DAB1: variants seen among roughly 807,000 people sequenced by gnomAD.
The protein encoded by DAB1 is disabled homolog 1.
A neutral mutation model predicts 64.6 loss-of-function variants in DAB1; 15 were observed. The observed-to-expected ratio is 0.23, with a 90% CI of 0.16 to 0.36. DAB1 has a LOEUF of 0.36. Ranked by LOEUF, DAB1 falls within the 10% of genes least tolerant of loss-of-function variation. The pLI is 1.00. For synonymous variants in DAB1, 235 were observed against 251.9 expected (o/e 0.93, Z 0.64); for missense variants, 596 against 706.7 (o/e 0.84, Z 1.78).
chr1:57,965,427 C>T (rs903493116), intron 5 of DAB1, among the ~76,000 whole-genome samples: 1 of 152,134 alleles, frequency 6.6e-6, no homozygotes, highest in Non-Finnish European at 1.5e-5. Flanking sequence ...ATTCTCTAAC[C>T]TCTGGCCTCT....
intron 6 of DAB1, among the ~76,000 whole-genome samples, chr1:57,814,563 A>T (rs930565169): frequency 2.0e-5 from 3 of 152,182 alleles, no homozygotes; most frequent in Non-Finnish European, 4.4e-5. Flanking sequence ...TGAGCTATCG[A>T]GTTTGTATTT....
intron 7 of DAB1, among the ~76,000 whole-genome samples, chr1:57,551,879 C>T (rs1311629172): frequency 6.6e-6 from 1 of 152,154 alleles, no homozygotes; most frequent in South Asian, 2.1e-4. Flanking sequence ...TAATTATTAA[C>T]CAGGGAGCCA....
In DAB1 at chr1:57,369,863, T is replaced by A. The variant is rs138268124; in HGVS notation, c.-137+54067A>T. On this transcript the variant is annotated intron_variant, in intron 1 of 14. Transcript: ENST00000371236. ...GTTATAACGATCATCCTGATCTTAATCCATGAGGATAAGAGTATTGAGTGA... is the reference window on the plus strand; with the variant it reads ...GTTATAACGATCATCCTGATCTTAAACCATGAGGATAAGAGTATTGAGTGA... Among the ~76,000 whole-genome samples, 248 of 152,324 alleles carry A rather than the reference T, an allele frequency of 1.6e-3. 1 individual carries two copies. The highest frequency in any genetic ancestry group is 5.5e-3 in the African/African-American group (227 of 41,572).
intron 5 of DAB1, among the ~76,000 whole-genome samples, chr1:57,902,807 G>A (rs527407417): frequency 1.2e-4 from 19 of 152,162 alleles, no homozygotes; most frequent in Admixed American, 2.0e-4. Flanking sequence ...ATTTGAGACT[G>A]TATTTAAGAC....
Position 57,090,993 on chromosome 1 carries a change from G to A in DAB1, c.307-18579C>T, listed in dbSNP as rs150881574. Among the ~76,000 whole-genome samples, 286 of 152,238 alleles carry A rather than the reference G, an allele frequency of 1.9e-3. 2 individuals carry two copies. Among genetic ancestry groups the A allele is most frequent in the African/African-American group, 6.6e-3 (276 of 41,530 alleles). Reference sequence around the variant, plus strand: ...ATGCTTGATGATCTAAGGTGGAACAGTTTTATCCTGAAACTATCCCTCACC... The same window carrying A: ...ATGCTTGATGATCTAAGGTGGAACAATTTTATCCTGAAACTATCCCTCACC... On this transcript the variant is annotated intron_variant, in intron 4 of 14. Transcript: ENST00000371236.
At chr1:57,987,664 G>A (rs1570174482) in intron 5 of DAB1, among the ~76,000 whole-genome samples, 2 of 152,256 alleles carry the variant, frequency 1.3e-5, no homozygotes, top group South Asian at 4.1e-4. Context: ...CTGAAATGGA[G>A]ATGACTTCTT....
chr1:58,402,392 A>G (rs1238448298), intron 3 of DAB1, among the ~76,000 whole-genome samples: 1 of 152,228 alleles, frequency 6.6e-6, no homozygotes, highest in Non-Finnish European at 1.5e-5. Context: ...TAAGTAATGA[A>G]GATGGAAGGA....
chr1:58,400,143 T>C (rs1644557112), intron 3 of DAB1, among the ~76,000 whole-genome samples: 1 of 151,904 alleles, frequency 6.6e-6, no homozygotes, highest in South Asian at 2.1e-4. Context: ...GGGCTTTCTC[T>C]GGTCCCTAGT....
At chr1:57,685,564 T>C (rs1285920297) in intron 6 of DAB1, among the ~76,000 whole-genome samples, 1 of 152,160 alleles carries the variant, frequency 6.6e-6, no homozygotes, top group African/African-American at 2.4e-5. Flanking sequence ...TTGGACCTAA[T>C]AGACATCTAT....
chr1:57,371,472 G>T (rs551203134), intron 1 of DAB1, among the ~76,000 whole-genome samples: 1 of 152,246 alleles, frequency 6.6e-6, no homozygotes, highest in Admixed American at 6.5e-5. Flanking sequence ...AGTTTTTAAT[G>T]GAACTATGTG....
intron 7 of DAB1, among the ~76,000 whole-genome samples, chr1:57,629,050 C>G (rs1030048010): frequency 6.6e-6 from 1 of 152,108 alleles, no homozygotes; most frequent in African/African-American, 2.4e-5. Flanking sequence ...TCTTACAGTT[C>G]TTACAAATTT....
At chr1:57,146,918 A>G (rs1659192731) in intron 2 of DAB1, among the ~76,000 whole-genome samples, 3 of 152,230 alleles carry the variant, frequency 2.0e-5, no homozygotes, top group African/African-American at 4.8e-5. Context: ...GTTGGATGAC[A>G]ATAAAGTATC....
chr1:58,398,675 A>G (rs1427696903), intron 3 of DAB1, among the ~76,000 whole-genome samples: 1 of 152,238 alleles, frequency 6.6e-6, no homozygotes, highest in African/African-American at 2.4e-5. Context: ...TACTCTGCCC[A>G]GGTTGCAGAT....
chr1:57,737,902 C>T (rs1647775028), intron 6 of DAB1, among the ~76,000 whole-genome samples: 1 of 152,258 alleles, frequency 6.6e-6, no homozygotes, highest in Non-Finnish European at 1.5e-5. Flanking sequence ...GCCTCAATCT[C>T]TGATGACTGG....
chr1:57,293,766 A>ATT (rs35519088), intron 1 of DAB1, among the ~76,000 whole-genome samples: 1 of 151,896 alleles, frequency 6.6e-6, no homozygotes, highest in Non-Finnish European at 1.5e-5. Flanking sequence ...ATTTTCAAGA[A>ATT]TTTTTTAAAA....
At chr1:57,355,866 C>G (rs1282218671) in intron 1 of DAB1, among the ~76,000 whole-genome samples, 1 of 129,260 alleles carries the variant, frequency 7.7e-6, no homozygotes, top group African/African-American at 3.0e-5. Context: ...TTTGTTAAAC[C>G]TCAATAAACA....
chr1:58,040,383 G>A (rs142010683), intron 5 of DAB1, among the ~76,000 whole-genome samples: 2 of 152,218 alleles, frequency 1.3e-5, no homozygotes, highest in South Asian at 2.1e-4. Flanking sequence ...GGATATAGAC[G>A]GGGTTGTCAA....
At chr1:57,286,371 AC>A (rs1440189049) in intron 2 of DAB1, among the ~76,000 whole-genome samples, 3 of 152,292 alleles carry the variant, frequency 2.0e-5, no homozygotes, top group South Asian at 2.1e-4. Context: ...GGGAAAAAAA[AC>A]ACTTCTATTT....
Position 58,010,564 on chromosome 1 carries a change from G to A in DAB1, n.388-126402C>T, listed in dbSNP as rs1041097445. Among the ~76,000 whole-genome samples, 3 of 152,172 alleles carry A rather than the reference G, an allele frequency of 2.0e-5. No homozygotes were observed. In the East Asian group the frequency reaches 5.8e-4, roughly 29 times the overall value. Reference sequence around the variant, plus strand: ...CCCAGTTTAATTAGTTTTGTCAAGTGCCTGCAGTATGATTTCCATGTTAAT... The same window carrying A: ...CCCAGTTTAATTAGTTTTGTCAAGTACCTGCAGTATGATTTCCATGTTAAT... On this transcript the variant is annotated intron_variant and non_coding_transcript_variant, in intron 5 of 20. Transcript: ENST00000485760.
Sources: gnomAD v4.1 joint callset for allele counts (sites outside exome capture counted in the v4.1 genomes callset) on GRCh38, gnomAD v4.1.1 for gene constraint, MANE v1.5 for transcripts, NCBI Gene and HGNC (gene_info 2026-07-23, HGNC 2026-07-21) for gene names.